Variants in SLCO1B3 observed in about 807,000 individuals in gnomAD.
SLCO1B3 encodes the protein solute carrier organic anion transporter family member 1B3.
A neutral mutation model predicts 71.8 loss-of-function variants in SLCO1B3; 72 were observed. That is an observed-to-expected ratio of 1.00 (90% CI 0.83 to 1.22). The LOEUF (loss-of-function observed/expected upper bound fraction) is 1.22, where lower values mean the gene tolerates loss of function less well. Ranked by LOEUF, SLCO1B3 falls within the 50% of genes most tolerant of loss-of-function variation. The pLI, the probability that SLCO1B3 is intolerant of heterozygous loss-of-function variation, is 0.00. For synonymous variants in SLCO1B3, 298 were observed against 278.4 expected, an observed-to-expected ratio of 1.07 and a Z score of -0.70; for missense variants, 911 against 819.7, an observed-to-expected ratio of 1.11 and a Z score of -1.36.
At chr12:20,881,917 C>A (rs373622781) in intron 12 of SLCO1B3, among the ~76,000 whole-genome samples, 1 of 152,264 alleles carries the variant, frequency 6.6e-6, no homozygotes, top group Admixed American at 6.5e-5. Flanking sequence ...TTCCCTTGCC[C>A]AATATCCTAC....
intron 3 of SLCO1B3, among the ~76,000 whole-genome samples, chr12:20,836,436 G>A (rs1020631667): frequency 6.6e-6 from 1 of 152,062 alleles, no homozygotes; most frequent in Non-Finnish European, 1.5e-5. Context: ...CTATGTTCAT[G>A]AGTGATATTG....
intron 3 of SLCO1B3, among the ~76,000 whole-genome samples, chr12:20,852,335 T>TAGGC (rs1206012781): frequency 1.3e-5 from 2 of 151,922 alleles, no homozygotes; most frequent in African/African-American, 4.8e-5. Context: ...AGTAATTAGT[T>TAGGC]AGGCATAGTG....
intron 3 of SLCO1B3, among the ~76,000 whole-genome samples, chr12:20,818,480 A>G (rs1864232278): frequency 6.6e-6 from 1 of 152,028 alleles, no homozygotes; most frequent in Admixed American, 6.5e-5. Flanking sequence ...TTAGACAAAG[A>G]GGTATTTTAG....
At chr12:20,813,718 G>A (rs1474195619) in intron 2 of SLCO1B3, 80 bp downstream of exon 2, 1 of 152,030 alleles carries the variant, frequency 6.6e-6, no homozygotes, top group Non-Finnish European at 1.5e-5. Context: ...ATACTAAGGT[G>A]TCTTTAAACA....
chr12:20,903,873 A>T (rs1427375493), intron 15 of SLCO1B3, among the ~76,000 whole-genome samples: 1 of 152,162 alleles, frequency 6.6e-6, no homozygotes, highest in East Asian at 1.9e-4. Flanking sequence ...TTAACTCAAA[A>T]GCCCACAGTC....
chr12:20,852,283 C>G (rs913929923), intron 3 of SLCO1B3, among the ~76,000 whole-genome samples: 1 of 152,010 alleles, frequency 6.6e-6, no homozygotes, highest in Non-Finnish European at 1.5e-5. Context: ...GAGACTAGCT[C>G]TAGTCCAAGC....
At chr12:20,827,920 G>A (rs1449250423) in intron 3 of SLCO1B3, among the ~76,000 whole-genome samples, 1 of 152,036 alleles carries the variant, frequency 6.6e-6, no homozygotes, top group Non-Finnish European at 1.5e-5. Flanking sequence ...GCATACTAAA[G>A]GAACAACTCT....
At chr12:20,880,444 A>G (rs1865666393) in intron 11 of SLCO1B3, among the ~76,000 whole-genome samples, 2 of 152,018 alleles carry the variant, frequency 1.3e-5, no homozygotes, top group Non-Finnish European at 2.9e-5. Context: ...GCTTAGAGGA[A>G]CCTCAATCTA....
At chr12:20,819,355 G>A (rs141154503) in intron 3 of SLCO1B3, among the ~76,000 whole-genome samples, 1 of 152,314 alleles carries the variant, frequency 6.6e-6, no homozygotes, top group East Asian at 1.9e-4. Context: ...CTTGACTGAA[G>A]TAATGGGGTC....
At chr12:20,833,681 A>G (rs1006437852) in intron 3 of SLCO1B3, among the ~76,000 whole-genome samples, 26 of 147,782 alleles carry the variant, frequency 1.8e-4, no homozygotes, top group African/African-American at 6.1e-4. Flanking sequence ...CATACACTTT[A>G]TGGTATAGAG....
At chr12:20,873,822 C>T (rs1157772566) in intron 8 of SLCO1B3, among the ~76,000 whole-genome samples, 1 of 152,110 alleles carries the variant, frequency 6.6e-6, no homozygotes, top group Non-Finnish European at 1.5e-5. Context: ...TATGTCTTCT[C>T]AGTGTTCAGC....
chr12:20,817,551 T>C (rs1313527839), intron 3 of SLCO1B3, among the ~76,000 whole-genome samples: 1 of 152,144 alleles, frequency 6.6e-6, no homozygotes, highest in Non-Finnish European at 1.5e-5. Context: ...TGTCTGTTTA[T>C]ATGCCAGTAC....
chr12:20,824,332 A>C (rs1864379094), intron 3 of SLCO1B3, among the ~76,000 whole-genome samples: 1 of 152,196 alleles, frequency 6.6e-6, no homozygotes, highest in African/African-American at 2.4e-5. Context: ...GATCAGCAAG[A>C]CTTATTAATA....
intron 4 of SLCO1B3, among the ~76,000 whole-genome samples, chr12:20,855,848 A>G (rs1865123960): frequency 6.6e-6 from 1 of 151,830 alleles, no homozygotes; most frequent in Non-Finnish European, 1.5e-5. Context: ...GCTAGCTTAT[A>G]GCCTCTGCTA....
intron 3 of SLCO1B3, among the ~76,000 whole-genome samples, chr12:20,820,178 G>A (rs2121085281): frequency 6.6e-6 from 1 of 152,206 alleles, no homozygotes; most frequent in South Asian, 2.1e-4. Flanking sequence ...TATTGATTAA[G>A]AAGGGGACGG....
intron 13 of SLCO1B3, among the ~76,000 whole-genome samples, chr12:20,893,501 GTGGTAAAAA>G (rs1865944028): frequency 6.6e-6 from 1 of 152,132 alleles, no homozygotes; most frequent in East Asian, 1.9e-4. Context: ...AGATCTGGAA[GTGGTAAAAA>G]TGAAAGATCA....
chr12:20,857,691 A>C (rs1865169322), intron 4 of SLCO1B3, among the ~76,000 whole-genome samples: 1 of 152,058 alleles, frequency 6.6e-6, no homozygotes, highest in Middle Eastern at 3.4e-3. Context: ...TTAAGTATTT[A>C]TTCTTGTGTT....
chr12:20,891,632 TTTC>T (rs1227646504), intron 13 of SLCO1B3, among the ~76,000 whole-genome samples: 1 of 152,118 alleles, frequency 6.6e-6, no homozygotes, highest in African/African-American at 2.4e-5. Context: ...CTTTTAACTT[TTTC>T]TTCTTCTCCC....
intron 15 of SLCO1B3, among the ~76,000 whole-genome samples, chr12:20,913,133 T>G (rs1373654899): frequency 1.3e-5 from 2 of 152,168 alleles, no homozygotes; most frequent in Non-Finnish European, 2.9e-5. Context: ...TTCAACTATG[T>G]CTGATTGAAT....
Sources: gnomAD v4.1 joint callset for allele counts (sites outside exome capture counted in the v4.1 genomes callset) on GRCh38, gnomAD v4.1.1 for gene constraint, MANE v1.5 for transcripts, NCBI Gene and HGNC (gene_info 2026-07-23, HGNC 2026-07-21) for gene names.